ATAD3A: variants seen among roughly 807,000 people sequenced by gnomAD.
ATAD3A encodes the protein ATPase family AAA domain-containing protein 3A.
A neutral mutation model predicts 73.8 loss-of-function variants in ATAD3A; 46 were observed. The observed-to-expected ratio is 0.62, with a 90% CI of 0.49 to 0.80. ATAD3A has a LOEUF of 0.80. Ranked by LOEUF, ATAD3A falls within the 30% of genes least tolerant of loss-of-function variation. ATAD3A has a pLI of 0.00. For synonymous variants in ATAD3A, 319 were observed against 350.0 expected, an observed-to-expected ratio of 0.91 and a Z score of 0.99; for missense variants, 705 against 838.0, an observed-to-expected ratio of 0.84 and a Z score of 1.96.
chr1:1,521,384 C>T (rs1268799638), intron 7 of ATAD3A, among the ~76,000 whole-genome samples: 2 of 148,730 alleles, frequency 1.3e-5, no homozygotes, highest in East Asian at 4.1e-4. Context: ...CCTTATAAAA[C>T]CCTGAGAGTT....
Position 1,520,241 on chromosome 1 carries a change from C to T in ATAD3A, c.615C>T (p.Asp205=), listed in dbSNP as rs1305894388. ...ARAKAERENA[D]IIREQIRLKA... is the part of the protein sequence containing the mutation. ...CCAAGGCCGAGCGGGAGAATGCAGA[C>T]ATCATCCGCGAGCAGATCCGCCTGA... Residue 205 remains aspartate, a synonymous_variant, in exon 6 of 16, where the codon GAC becomes GAT. Coordinates refer to ENST00000378756, the MANE Select transcript of ATAD3A (RefSeq NM_001170535.3). The surrounding 1 kb of genome is among the most constrained non-coding windows in gnomAD (Gnocchi z 4.0). 1 of 1,612,750 alleles carries T rather than the reference C, an allele frequency of 6.2e-7. No individual in the cohort carries two copies.
Position 1,534,331 on chromosome 1 carries a change from C to G in ATAD3A, c.*259C>G. The G allele has an allele frequency of 7.1e-7, 1 of 1,412,784 alleles. No homozygotes were observed. The highest frequency in any genetic ancestry group is 2.6e-5 in the East Asian group (1 of 38,776). 87.5% of individuals were successfully genotyped at this position (1,412,784 alleles called of 1,614,324 possible). ...CTTGGGAGATGCATTTTCCGTCTGG[C>G]TCACAGGGGGAGGGTGAGGCTTTGC... is the stretch of plus-strand genomic sequence containing the variant. On this transcript the variant is annotated 3_prime_UTR_variant, in exon 16 of 16. Transcript: ENST00000378756.
At chr1:1,533,895 G>A (rs755799534) in intron 15 of ATAD3A, 31 bp from the exon 16 acceptor site, 15 of 1,605,598 alleles carry the variant, frequency 9.3e-6, no homozygotes, top group Middle Eastern at 1.8e-4. Context: ...TTCCCATGGC[G>A]GCCTCCCTCA....
Position 1,520,502 on chromosome 1 carries a change from A to G in ATAD3A, c.681-46A>G. On this transcript the variant is annotated intron_variant, in intron 6 of 15. Coordinates refer to ENST00000378756, the MANE Select transcript of ATAD3A (RefSeq NM_001170535.3). The surrounding 1 kb of genome is among the most constrained non-coding windows in gnomAD (Gnocchi z 4.0). Reference sequence around the variant, plus strand: ...CCTCAACCTGCTCTCGCTGCGTGGCACGGATCTTCGTGTCCTTCCTGGTCA... The same window carrying G: ...CCTCAACCTGCTCTCGCTGCGTGGCGCGGATCTTCGTGTCCTTCCTGGTCA... 1 of 1,614,092 alleles carries G rather than the reference A, an allele frequency of 6.2e-7. No individual in the cohort carries two copies. Among genetic ancestry groups the G allele is most frequent in the Non-Finnish European group, 8.5e-7 (1 of 1,179,932 alleles).
At chr1:1,526,380 G>A (rs1641843758) in intron 12 of ATAD3A, 81 bp from the exon 13 acceptor site, 1 of 1,566,972 alleles carries the variant, frequency 6.4e-7, no homozygotes, top group Admixed American at 1.9e-5. Context: ...CCCTGCAGGA[G>A]GGAGGCCTGT....
In ATAD3A at chr1:1,520,607, T is replaced by C; in HGVS notation, c.740T>C (p.Val247Ala). The C allele has an allele frequency of 6.2e-7, 1 of 1,613,530 alleles. No individual in the cohort carries two copies. The highest frequency in any genetic ancestry group is 2.2e-5 in the East Asian group (1 of 44,886). Residue 247 changes from valine to alanine, a missense_variant, in exon 7 of 16, where the codon GTG becomes GCG. This residue lies in a region of ATAD3A where 315 missense variants were observed against 334.1 expected (regional missense o/e 0.94). Transcript: ENST00000378756. The surrounding 1 kb of genome is among the most constrained non-coding windows in gnomAD (Gnocchi z 4.0). ...GCCTTTGTGACAGACTGGGACAAAG[T>C]GACAGCCACGGTAAACATACTCATA... ...FRAFVTDWDK[V>A]TATVAGLTLL...
chr1:1,523,586 G>GACC lies in ATAD3A; in HGVS notation c.963+20_963+22dup. Reference sequence around the variant, plus strand: ...GCTCAGTGTAAGTCGGTGTGCCTGGGACCGGGGAGGCGCAGGGAGGGGACC... The same window carrying GACC: ...GCTCAGTGTAAGTCGGTGTGCCTGGGACCACCGGGGAGGCGCAGGGAGGGGACC... On this transcript the variant is annotated intron_variant, in intron 9 of 15. Coordinates refer to ENST00000378756, the MANE Select transcript of ATAD3A (RefSeq NM_001170535.3). The surrounding 1 kb of genome is among the most constrained non-coding windows in gnomAD (Gnocchi z 5.1). The GACC allele has an allele frequency of 1.2e-6, 2 of 1,612,660 alleles. No homozygotes were observed. Among genetic ancestry groups the GACC allele is most frequent in the Non-Finnish European group, 1.7e-6 (2 of 1,179,768 alleles).
At chr1:1,519,026 G>A in intron 5 of ATAD3A, 36 bp downstream of exon 5, 1 of 1,613,912 alleles carries the variant, frequency 6.2e-7, no homozygotes, top group Non-Finnish European at 8.5e-7. Context: ...GGCGGAGGTG[G>A]CGGGGGCTGC....
rs1641219449 is a variant in ATAD3A, at chr1:1,512,310, A to G, written c.42A>G (p.Glu14=). The part of the protein sequence containing the change: ...LFGINKGPKG[E]GAGPPPPLPP... The stretch of plus-strand genomic sequence containing the variant: ...GCATTAACAAGGGCCCCAAGGGTGA[A>G]GGCGCGGGGCCGCCGCCGCCTTTGC... The change falls in exon 1 of 16, where the codon GAA becomes GAG. Residue 14 remains glutamate (E), a synonymous_variant. Transcript: ENST00000378756. The G allele has an allele frequency of 1.6e-6, 2 of 1,253,358 alleles. No homozygotes were observed. Among genetic ancestry groups the G allele is most frequent in the Non-Finnish European group, 2.0e-6 (2 of 994,214 alleles). The allele number at this position is 1,253,358 out of a possible 1,614,324, so 77.6% of individuals were successfully genotyped here. A position where few individuals can be genotyped will look rare whatever the true frequency, so the allele number is the denominator to read the frequency against.
At position 1,523,398 on chromosome 1, in the gene ATAD3A, G is replaced by A. The variant is rs1641674988; in HGVS notation, c.907-113G>A. 1.3e-6 allele frequency: 2 copies of A among 1,511,638 alleles called. No individual in the cohort carries two copies. The highest frequency in any genetic ancestry group is 9.0e-7 in the Non-Finnish European group (1 of 1,115,940). The allele number at this position is 1,511,638 out of a possible 1,614,324, so 93.6% of individuals were successfully genotyped here. A position where few individuals can be genotyped will look rare whatever the true frequency, so the allele number is the denominator to read the frequency against. On this transcript the variant is annotated intron_variant, in intron 8 of 15. Transcript: ENST00000378756. This position sits in a 1 kb window ranked among gnomAD's most constrained non-coding sequence, Gnocchi z 5.1. Reference sequence around the variant, plus strand: ...TTCCAGCTCCGGGCCGGTCCTGGCTGTGCTTTGGGGCAGCTCCGTTTCTGC... The same window carrying A: ...TTCCAGCTCCGGGCCGGTCCTGGCTATGCTTTGGGGCAGCTCCGTTTCTGC...
chr1:1,532,599 G>T (rs568634156), intron 15 of ATAD3A, among the ~76,000 whole-genome samples: 4 of 152,294 alleles, frequency 2.6e-5, no homozygotes, highest in Admixed American at 2.6e-4. Context: ...GTCACTTCTG[G>T]TGGGCTCCTG....
rs1389411314 is a variant in ATAD3A at position 1,526,953 on chromosome 1, G to T, written c.1337+422G>T. Reference sequence around the variant, plus strand: ...GAAGTTGGACACCAGCAGGTCCTGTGTGTCGGGGCGGAACCTGGGACCTTG... The same window carrying T: ...GAAGTTGGACACCAGCAGGTCCTGTTTGTCGGGGCGGAACCTGGGACCTTG... On this transcript the variant is annotated intron_variant, in intron 13 of 15. Transcript: ENST00000378756. Among the ~76,000 whole-genome samples, 3 of 152,272 alleles carry T rather than the reference G, an allele frequency of 2.0e-5. No homozygotes were observed. The East Asian group carries it at 5.8e-4, about 29-fold the overall frequency.
intron 13 of ATAD3A, among the ~76,000 whole-genome samples, chr1:1,526,734 G>A (rs1389528110): frequency 1.8e-3 from 271 of 149,814 alleles, no homozygotes; most frequent in African/African-American, 6.6e-3. Context: ...GGGGCCTCCC[G>A]GGCAGAGCTG....
Position 1,518,230 on chromosome 1 carries a change from A to G in ATAD3A, c.444+455A>G, listed in dbSNP as rs545161907. ...CACCCCCATACAGACAGGTACGCAC[A>G]TACACCCCGCACACACACACACAGA... On this transcript the variant is annotated intron_variant, in intron 4 of 15. Transcript: ENST00000378756. Among the ~76,000 whole-genome samples, 132 of 150,312 alleles carry G rather than the reference A, an allele frequency of 8.8e-4. 1 individual carries two copies. Among genetic ancestry groups the G allele is most frequent in the African/African-American group, 3.1e-3 (127 of 40,822 alleles).
chr1:1,530,839 A>C (rs1642008333), intron 15 of ATAD3A, among the ~76,000 whole-genome samples: 1 of 139,732 alleles, frequency 7.2e-6, no homozygotes, highest in South Asian at 2.3e-4. Flanking sequence ...AAAAAAAAAA[A>C]AAAAAAAAAA....
At chr1:1,519,849 G>A (rs1223458949) in intron 5 of ATAD3A, among the ~76,000 whole-genome samples, 2 of 152,208 alleles carry the variant, frequency 1.3e-5, no homozygotes, top group African/African-American at 2.4e-5. Flanking sequence ...GGGCAGGGCC[G>A]GCCTGTGGCG....
chr1:1,525,322 G>C (rs772571914), intron 12 of ATAD3A, 31 bp downstream of exon 12: 5 of 1,613,610 alleles, frequency 3.1e-6, no homozygotes, highest in Non-Finnish European at 4.2e-6. Context: ...GGCCACAATG[G>C]GGTGGTGGGG....
intron 15 of ATAD3A, among the ~76,000 whole-genome samples, chr1:1,531,264 C>G (rs190988815): frequency 5.9e-5 from 9 of 152,034 alleles, no homozygotes; most frequent in Non-Finnish European, 1.3e-4. Flanking sequence ...ACCATCTGGC[C>G]AAATGGTGAA....
At position 1,527,851 on chromosome 1, in the gene ATAD3A, A is replaced by G. The variant is rs1557476125; in HGVS notation, c.1494A>G (p.Thr498=). The change falls in exon 14 of 16, where the codon ACA becomes ACG. Residue 498 remains threonine (T), a synonymous_variant. Transcript: ENST00000378756. ...ACAAGTATGTTCTTAAGCCGGCCAC[A>G]GAAGGAAAGCAGTAAGTGTCCCGCC... ...YFDKYVLKPA[T]EGKQRLKLAQ... The G allele has an allele frequency of 6.2e-7, 1 of 1,613,102 alleles. No individual in the cohort carries two copies. The highest frequency in any genetic ancestry group is 8.5e-7 in the Non-Finnish European group (1 of 1,179,512).
Sources: allele counts gnomAD v4.1 joint callset (sites outside exome capture counted in the v4.1 genomes callset), GRCh38; gene constraint gnomAD v4.1.1; regional missense constraint gnomAD v4.1.1; non-coding constraint Gnocchi (gnomAD v3.1); transcripts MANE v1.5; gene names NCBI Gene and HGNC (gene_info 2026-07-23, HGNC 2026-07-21).